The following USF3 variants were observed in gnomAD, a reference collection of about 807,000 sequenced individuals.
The protein encoded by USF3 is basic helix-loop-helix domain-containing protein USF3.
Under a neutral mutation model 157.5 loss-of-function variants are expected in USF3, and 29 were observed. The observed-to-expected ratio is 0.18, with a 90% CI of 0.14 to 0.25. The LOEUF is 0.25. Ranked by LOEUF, USF3 falls within the 10% of genes least tolerant of loss-of-function variation. The pLI is 1.00. For synonymous variants in USF3, 893 were observed against 941.4 expected (o/e 0.95, Z 0.94); for missense variants, 2,381 against 2,667.6 (o/e 0.89, Z 2.37).
In USF3 at chr3:113,655,263, G is replaced by A; in HGVS notation, c.6419C>T (p.Thr2140Ile). The part of the protein sequence containing the change: ...FPNQMFSNPS[T>I]EKVNSGSLNN... ...TAAACTTCCACTGTTTACCTTCTCT[G>A]TGCTAGGATTTGAGAACATCTGATT... Residue 2140 changes from threonine (T) to isoleucine (I), a missense_variant, in exon 7 of 7, where the codon ACA becomes ATA. Transcript: ENST00000316407. The A allele has an allele frequency of 1.2e-6, 2 of 1,614,098 alleles. No homozygotes were observed. Among genetic ancestry groups the A allele is most frequent in the Non-Finnish European group, 1.7e-6 (2 of 1,179,954 alleles).
At chr3:113,674,181 T>C (rs545026807) in intron 3 of USF3, among the ~76,000 whole-genome samples, 2 of 152,188 alleles carry the variant, frequency 1.3e-5, no homozygotes, top group African/African-American at 2.4e-5. Flanking sequence ...AGAATGTCTA[T>C]TCACACTGAC....
Position 113,654,610 on chromosome 3 carries a change from T to C in USF3, c.*334A>G, listed in dbSNP as rs1292212437. 4.3e-6 allele frequency: 1 copy of C among 232,698 alleles called. No individual in the cohort carries two copies. Among genetic ancestry groups the C allele is most frequent in the African/African-American group, 2.3e-5 (1 of 43,860 alleles). The allele number at this position is 232,698 out of a possible 1,614,324, so 14.4% of individuals were successfully genotyped here. A position where few individuals can be genotyped will look rare whatever the true frequency, so the allele number is the denominator to read the frequency against. On this transcript the variant is annotated 3_prime_UTR_variant, in exon 7 of 7. Transcript: ENST00000316407. Reference sequence around the variant, plus strand: ...ATTCCATAAGTTATCAACAATCAAGTTTAAAGTCTAGGCTCCCTCCTACTA... The same window carrying C: ...ATTCCATAAGTTATCAACAATCAAGCTTAAAGTCTAGGCTCCCTCCTACTA...
At chr3:113,693,822 C>T (rs1055429177) in intron 1 of USF3, among the ~76,000 whole-genome samples, 5 of 151,982 alleles carry the variant, frequency 3.3e-5, no homozygotes, top group South Asian at 4.1e-4. Flanking sequence ...CTATTATTGG[C>T]GGTAGGGAGG....
Position 113,674,887 on chromosome 3 carries a change from T to A in USF3, c.-9A>T, listed in dbSNP as rs766209640. 6.2e-7 allele frequency: 1 copy of A among 1,609,224 alleles called. No homozygotes were observed. Among genetic ancestry groups the A allele is most frequent in the Non-Finnish European group, 8.5e-7 (1 of 1,175,576 alleles). On this transcript the variant is annotated 5_prime_UTR_variant, in exon 3 of 7. Transcript: ENST00000316407. ...TCTGTCATTTCTGGCATGGTTACAG[T>A]AATAGGAACCTACAGAAGGATAGAA...
At chr3:113,695,200 T>C (rs1456676809) in intron 1 of USF3, among the ~76,000 whole-genome samples, 1 of 152,252 alleles carries the variant, frequency 6.6e-6, no homozygotes, top group East Asian at 1.9e-4. Flanking sequence ...ACACTACTTC[T>C]GCTTTCAGAA....
At chr3:113,669,966 GAAGA>G (rs1707111181) in intron 5 of USF3, among the ~76,000 whole-genome samples, 151 bp downstream of exon 5, 1 of 152,134 alleles carries the variant, frequency 6.6e-6, no homozygotes. Flanking sequence ...AAGATTGTTG[GAAGA>G]ATGGGAAGAA....
chr3:113,654,348 G>T lies in USF3; in HGVS notation c.*596C>A, dbSNP rs1334035923. 4 of 152,742 alleles carry T rather than the reference G, an allele frequency of 2.6e-5. No individual in the cohort carries two copies. Among genetic ancestry groups the T allele is most frequent in the South Asian group, 4.1e-4 (2 of 4,830 alleles). 9.5% of individuals were successfully genotyped at this position (152,742 alleles called of 1,614,324 possible). ...AAGACATAAAATTCAGATAATTTAT[G>T]CATTGTTATAATTTAGAAAGAAGCC... On this transcript the variant is annotated 3_prime_UTR_variant, in exon 7 of 7. Transcript: ENST00000316407.
chr3:113,658,484 G>C lies in USF3; in HGVS notation c.3198C>G (p.Ser1066=). Residue 1066 remains serine, a synonymous_variant, in exon 7 of 7, where the codon TCC becomes TCG. Coordinates refer to ENST00000316407, the MANE Select transcript of USF3 (RefSeq NM_001009899.4). The part of the protein sequence containing the change: ...NDDRDPPQHH[S]CLPDQEVING... ...TAATAACCTCTTGATCAGGGAGGCAGGAATGATGCTGTGGAGGATCTCTAT... is the reference window on the plus strand; with the variant it reads ...TAATAACCTCTTGATCAGGGAGGCACGAATGATGCTGTGGAGGATCTCTAT... 1 of 1,613,994 alleles carries C rather than the reference G, an allele frequency of 6.2e-7. No individual in the cohort carries two copies. The highest frequency in any genetic ancestry group is 8.5e-7 in the Non-Finnish European group (1 of 1,179,876).
chr3:113,691,406 C>T (rs904452868), intron 1 of USF3, among the ~76,000 whole-genome samples: 4 of 152,152 alleles, frequency 2.6e-5, no homozygotes, highest in Non-Finnish European at 4.4e-5. Context: ...ACTGCTTAAA[C>T]CAAGCTCAAC....
At chr3:113,674,948 A>C in intron 2 of USF3, 52 bp from the exon 3 acceptor site, 1 of 1,202,878 alleles carries the variant, frequency 8.3e-7, no homozygotes, top group Non-Finnish European at 1.2e-6. Flanking sequence ...CTAGAATCTT[A>C]CAAAAATTGG....
rs1168093858 is a variant in USF3 at position 113,696,633 on chromosome 3, C to T, written c.-398G>A. The T allele has an allele frequency of 1.3e-5, 2 of 151,812 alleles. No homozygotes were observed. Among genetic ancestry groups the T allele is most frequent in the East Asian group, 3.9e-4 (2 of 5,122 alleles). The allele number at this position is 151,812 out of a possible 1,614,324, so 9.4% of individuals were successfully genotyped here. ...CGGAGACCCGGCGGCAGCGCGGCCT[C>T]AACTTTCCCAGCCCCCCTCCCCCCG... On this transcript the variant is annotated 5_prime_UTR_variant, in exon 1 of 7. Transcript: ENST00000316407.
At chr3:113,683,490 G>C (rs1707482145) in intron 1 of USF3, among the ~76,000 whole-genome samples, 1 of 52,842 alleles carries the variant, frequency 1.9e-5, no homozygotes, top group East Asian at 5.5e-4. Flanking sequence ...TTTTTTTTGA[G>C]ATGGAGTCTC....
rs1947307060 is a variant in USF3, at chr3:113,653,815, A to G, written c.*1129T>C. Reference sequence around the variant, plus strand: ...TTTTTTGAAGCACCATTTCACATCTACCAACAAGAAAAATAACAAATTCAT... The same window carrying G: ...TTTTTTGAAGCACCATTTCACATCTGCCAACAAGAAAAATAACAAATTCAT... On this transcript the variant is annotated 3_prime_UTR_variant, in exon 7 of 7. Transcript: ENST00000316407. 6.6e-6 allele frequency: 1 copy of G among 152,066 alleles called. No homozygotes were observed. The highest frequency in any genetic ancestry group is 1.5e-5 in the Non-Finnish European group (1 of 68,006). The allele number at this position is 152,066 out of a possible 1,614,324, so 9.4% of individuals were successfully genotyped here. A position where few individuals can be genotyped will look rare whatever the true frequency, so the allele number is the denominator to read the frequency against.
chr3:113,683,682 T>C (rs947781442), intron 1 of USF3, among the ~76,000 whole-genome samples: 3 of 152,070 alleles, frequency 2.0e-5, no homozygotes, highest in Admixed American at 6.6e-5. Flanking sequence ...TTGGCCAGGA[T>C]GGTCTTGATC....
In USF3 at chr3:113,660,647, C is replaced by T. The variant is rs763571386; in HGVS notation, c.1035G>A (p.Ser345=). The change falls in exon 7 of 7, where the codon TCG becomes TCA. Residue 345 remains serine (S), a synonymous_variant. Coordinates refer to ENST00000316407, the MANE Select transcript of USF3 (RefSeq NM_001009899.4). ...FVVSVTTTVC[S]QPPRTAGDSS... is the part of the protein sequence containing the mutation. ...AATCACCTGCAGTTCTGGGAGGCTG[C>T]GAGCAGACTGTGGTGGTAACTGAAA... is the stretch of plus-strand genomic sequence containing the variant. The T allele has an allele frequency of 8.7e-6, 14 of 1,614,024 alleles. No homozygotes were observed. Among genetic ancestry groups the T allele is most frequent in the East Asian group, 2.2e-5 (1 of 44,900 alleles).
chr3:113,695,180 T>C (rs1456575710), intron 1 of USF3, among the ~76,000 whole-genome samples: 1 of 152,250 alleles, frequency 6.6e-6, no homozygotes, highest in Non-Finnish European at 1.5e-5. Context: ...CATTCTTGCA[T>C]GGATACATTA....
intron 2 of USF3, among the ~76,000 whole-genome samples, chr3:113,675,312 T>C (rs1707254977): frequency 6.6e-6 from 1 of 152,156 alleles, no homozygotes; most frequent in South Asian, 2.1e-4. Context: ...TTCCCTACTC[T>C]GAACACAAAA....
At position 113,657,763 on chromosome 3, in the gene USF3, T is replaced by A. The variant is rs755393706; in HGVS notation, c.3919A>T (p.Ile1307Leu). The A allele has an allele frequency of 3.1e-6, 5 of 1,614,140 alleles. No homozygotes were observed. The highest frequency in any genetic ancestry group is 4.2e-6 in the Non-Finnish European group (5 of 1,180,020). Reference protein sequence around the residue: ...QEQLNTMTSTIPNSQIQEPLL... With the variant: ...QEQLNTMTSTLPNSQIQEPLL... ...GGCTCTTGAATCTGTGAATTTGGTA[T>A]GGTACTAGTCATAGTATTTAGCTGT... is the stretch of plus-strand genomic sequence containing the variant. Residue 1307 changes from isoleucine to leucine, a missense_variant, in exon 7 of 7, where the codon ATA becomes TTA. By Grantham distance (5) the Ile-to-Leu change is conservative. This residue lies in a region of USF3 where 1,435 missense variants were observed against 1,550.9 expected (regional missense o/e 0.93). Transcript: ENST00000316407.
chr3:113,660,612 A>T lies in USF3; in HGVS notation c.1070T>A (p.Met357Lys). The T allele has an allele frequency of 6.2e-7, 1 of 1,614,182 alleles. No homozygotes were observed. The highest frequency in any genetic ancestry group is 8.5e-7 in the Non-Finnish European group (1 of 1,180,020). The stretch of plus-strand genomic sequence containing the variant: ...CAAGTCTGCACTCTTACTAATGCTC[A>T]TTGGAGAAGAATCACCTGCAGTTCT... ...PPRTAGDSSP[M>K]SISKSADLTS... is the part of the protein sequence containing the mutation. Residue 357 changes from methionine to lysine, a missense_variant, in exon 7 of 7, where the codon ATG becomes AAG. This residue lies in a region of USF3 where 1,435 missense variants were observed against 1,550.9 expected (regional missense o/e 0.93). Transcript: ENST00000316407.
Sources: allele counts gnomAD v4.1 joint callset (sites outside exome capture counted in the v4.1 genomes callset), GRCh38; gene constraint gnomAD v4.1.1; regional missense constraint gnomAD v4.1.1; transcripts MANE v1.5; gene names NCBI Gene and HGNC (gene_info 2026-07-23, HGNC 2026-07-21).